The following GNAL variants were observed in gnomAD, a reference collection of about 807,000 sequenced individuals.
The protein encoded by GNAL is guanine nucleotide-binding protein G(olf) subunit alpha.
Under a neutral mutation model 55.1 loss-of-function variants are expected in GNAL, and 18 were observed. That is an observed-to-expected ratio of 0.33 (90% CI 0.23 to 0.48). The LOEUF is 0.48. Ranked by LOEUF, GNAL falls within the 20% of genes least tolerant of loss-of-function variation. The probability of loss-of-function intolerance (pLI) is 0.99; values close to 1 mark genes in which losing one functional copy is unlikely to be tolerated. For synonymous variants in GNAL, 253 were observed against 237.0 expected (o/e 1.07, Z -0.62); for missense variants, 412 against 614.1 (o/e 0.67, Z 3.48).
Position 11,730,065 on chromosome 18 carries a change from G to C in GNAL, c.377-22788G>C, listed in dbSNP as rs564320721. On this transcript the variant is annotated intron_variant, in intron 1 of 11. Transcript: ENST00000334049. Reference sequence around the variant, plus strand: ...TCTTTTTTTTTTGAGACAGAGTCTCGCTCTTTCGCCCAGGCCGAACTGCAG... The same window carrying C: ...TCTTTTTTTTTTGAGACAGAGTCTCCCTCTTTCGCCCAGGCCGAACTGCAG... Among the ~76,000 whole-genome samples the C allele has an allele frequency of 6.0e-5, 9 of 150,192 alleles. No individual in the cohort carries two copies. In the South Asian group the frequency reaches 6.3e-4, roughly 11 times the overall value.
At chr18:11,880,008 C>T (rs2036627513) in intron 11 of GNAL, among the ~76,000 whole-genome samples, 2 of 151,476 alleles carry the variant, frequency 1.3e-5, no homozygotes, top group Admixed American at 6.6e-5. Context: ...CCTGTAATCC[C>T]AGCACTTTGG....
intron 5 of GNAL, among the ~76,000 whole-genome samples, chr18:11,858,524 C>T (rs754534396): frequency 1.3e-5 from 2 of 152,086 alleles, no homozygotes; most frequent in Non-Finnish European, 2.9e-5. Flanking sequence ...TTAAAATTCT[C>T]TCTATGTATG....
chr18:11,701,361 C>T (rs1477283932), intron 1 of GNAL, among the ~76,000 whole-genome samples: 6 of 151,910 alleles, frequency 3.9e-5, no homozygotes, highest in Admixed American at 2.0e-4. Flanking sequence ...GAGGCCGAGG[C>T]GGGTGGATTG....
At chr18:11,859,923 G>T (rs949275756) in intron 5 of GNAL, among the ~76,000 whole-genome samples, 4 of 151,548 alleles carry the variant, frequency 2.6e-5, no homozygotes, top group Admixed American at 2.6e-4. Flanking sequence ...AATTTTTGTA[G>T]TTTTCGTAGA....
chr18:11,697,100 G>A (rs975257149), intron 1 of GNAL, among the ~76,000 whole-genome samples: 6 of 152,194 alleles, frequency 3.9e-5, no homozygotes, highest in East Asian at 1.9e-4. Flanking sequence ...TAATGAGATC[G>A]CACATCCTAG....
chr18:11,699,262 T>C (rs989427359), intron 1 of GNAL, among the ~76,000 whole-genome samples: 1 of 152,172 alleles, frequency 6.6e-6, no homozygotes, highest in Non-Finnish European at 1.5e-5. Context: ...TAGTACCATC[T>C]TGGCTCACTG....
intron 11 of GNAL, 99 bp downstream of exon 11, chr18:11,876,787 C>T (rs1415738166): frequency 1.3e-5 from 10 of 776,574 alleles, no homozygotes; most frequent in Admixed American, 7.3e-5. Context: ...TTTAATCTTC[C>T]TTAACATTAC....
chr18:11,759,955 C>T (rs745339406), intron 4 of GNAL, among the ~76,000 whole-genome samples: 24 of 152,092 alleles, frequency 1.6e-4, no homozygotes, highest in Non-Finnish European at 7.4e-5. Context: ...GCATGAGTTC[C>T]TCCACGGCAG....
intron 4 of GNAL, 58 bp downstream of exon 4, chr18:11,754,003 GGTTT>G: frequency 5.3e-6 from 7 of 1,319,358 alleles, no homozygotes; most frequent in Non-Finnish European, 7.6e-6. Flanking sequence ...TTTTTAATAA[GGTTT>G]CTTATTGAGA....
intron 1 of GNAL, among the ~76,000 whole-genome samples, chr18:11,692,568 A>G (rs1165460666): frequency 6.6e-6 from 1 of 152,088 alleles, no homozygotes; most frequent in Non-Finnish European, 1.5e-5. Flanking sequence ...AAATCTTCGG[A>G]TATGCAAGTA....
chr18:11,852,984 T>G (rs1567893292), intron 5 of GNAL: 2 of 167,130 alleles, frequency 1.2e-5, no homozygotes, highest in Non-Finnish European at 2.9e-5. Flanking sequence ...ATTATGCTAA[T>G]TAGCATGGCA....
At chr18:11,855,904 G>A (rs2035996612) in intron 5 of GNAL, among the ~76,000 whole-genome samples, 1 of 150,886 alleles carries the variant, frequency 6.6e-6, no homozygotes, top group Non-Finnish European at 1.5e-5. Flanking sequence ...CCCGGGAGGT[G>A]GAGGTTGCGG....
chr18:11,826,567 C>T (rs2035252791), intron 5 of GNAL, among the ~76,000 whole-genome samples: 1 of 152,272 alleles, frequency 6.6e-6, no homozygotes, highest in Admixed American at 6.5e-5. Flanking sequence ...AAGTAGATTG[C>T]AGAAGGCAGA....
intron 5 of GNAL, among the ~76,000 whole-genome samples, chr18:11,860,804 G>A (rs2036114629): frequency 6.6e-6 from 1 of 152,168 alleles, no homozygotes; most frequent in South Asian, 2.1e-4. Flanking sequence ...CCTCTTCCTG[G>A]TACAGGGCAG....
intron 4 of GNAL, among the ~76,000 whole-genome samples, chr18:11,812,991 C>T (rs913128872): frequency 6.6e-6 from 1 of 152,056 alleles, no homozygotes; most frequent in African/African-American, 2.4e-5. Context: ...TGTGGTGGCT[C>T]ATACCTGTAA....
At chr18:11,699,086 A>G (rs2031493869) in intron 1 of GNAL, among the ~76,000 whole-genome samples, 1 of 152,060 alleles carries the variant, frequency 6.6e-6, no homozygotes, top group Non-Finnish European at 1.5e-5. Flanking sequence ...GATCTCCAAA[A>G]CCTCACTGCA....
Position 11,689,708 on chromosome 18 carries a change from GC to G in GNAL, c.148del (p.Arg50GlyfsTer32). On this transcript the variant is annotated frameshift_variant, in exon 1 of 12. Transcript: ENST00000334049. LOFTEE classifies it high-confidence loss of function. Reference sequence around the variant, plus strand: ...AGTCCGGGCGGCCGCAAGGGACACGGCCCGGACCCTGCTCCCTCGGGGCGGC... The same window carrying G: ...AGTCCGGGCGGCCGCAAGGGACACGGCCGGACCCTGCTCCCTCGGGGCGGC... ...APVRAAARDTARTLLPRGGEG... is the reference protein window; with the variant it reads ...APVRAAARDTXRTLLPRGGEG... 1 of 1,494,144 alleles carries G rather than the reference GC, an allele frequency of 6.7e-7. No homozygotes were observed. 92.6% of individuals were successfully genotyped at this position (1,494,144 alleles called of 1,614,324 possible). A position where few individuals can be genotyped will look rare whatever the true frequency, so the allele number is the denominator to read the frequency against.
intron 5 of GNAL, among the ~76,000 whole-genome samples, chr18:11,847,710 T>G (rs2035770542): frequency 6.6e-6 from 1 of 152,174 alleles, no homozygotes; most frequent in South Asian, 2.1e-4. Flanking sequence ...TGCTAAACAA[T>G]TCCAGTCATT....
At position 11,885,510 on chromosome 18, in the gene GNAL, G is replaced by T; in HGVS notation, c.*4375G>T. 2.6e-6 allele frequency: 2 copies of T among 777,714 alleles called. No homozygotes were observed. Among genetic ancestry groups the T allele is most frequent in the South Asian group, 1.9e-5 (1 of 53,512 alleles). 48.2% of individuals were successfully genotyped at this position (777,714 alleles called of 1,614,324 possible). ...AGGAATGTCATGCTGATTGGTTCCC[G>T]GAAGGGTGTTTGGCAAGGGGCAGTG... On this transcript the variant is annotated 3_prime_UTR_variant, in exon 12 of 12. Coordinates refer to ENST00000334049, the MANE Select transcript of GNAL (RefSeq NM_182978.4).
Sources: allele counts gnomAD v4.1 joint callset (sites outside exome capture counted in the v4.1 genomes callset), GRCh38; gene constraint gnomAD v4.1.1; transcripts MANE v1.5; gene names NCBI Gene and HGNC (gene_info 2026-07-23, HGNC 2026-07-21).